ADGRE3: variants seen among roughly 807,000 people sequenced by gnomAD.
ADGRE3 encodes EGF-like module receptor 3.
ADGRE3 carries 88 observed loss-of-function variants against 80.1 expected under a neutral mutation model. That is an observed-to-expected ratio of 1.10 (90% confidence interval 0.93 to 1.31). The LOEUF is 1.31. Among genes scored for constraint, ADGRE3 ranks in the 40% most tolerant of loss-of-function variants. ADGRE3 has a pLI of 0.00. For synonymous variants in ADGRE3, 281 were observed against 294.8 expected, an observed-to-expected ratio of 0.95 and a Z score of 0.48; for missense variants, 715 against 776.5, an observed-to-expected ratio of 0.92 and a Z score of 0.94.
At position 14,636,050 on chromosome 19, in the gene ADGRE3, TTCCTTCC is replaced by T. The variant is rs1229610258; in HGVS notation, c.1484+2048_1484+2054del. Among the ~76,000 whole-genome samples, 72 of 58,098 alleles carry T rather than the reference TTCCTTCC, an allele frequency of 1.2e-3. 2 individuals carry two copies. Among genetic ancestry groups the T allele is most frequent in the Non-Finnish European group, 1.9e-3 (45 of 24,112 alleles). The allele number at this position is 58,098 out of a possible 152,430, so 38.1% of individuals were successfully genotyped here. A position where few individuals can be genotyped will look rare whatever the true frequency, so the allele number is the denominator to read the frequency against. On this transcript the variant is annotated intron_variant, in intron 11 of 15. Transcript: ENST00000253673. Reference sequence around the variant, plus strand: ...CTTCCTTCCTTCCTTCCTTCCTTCCTTCCTTCCTTCCTTTCCTTTCCTTTCCTTTCCC... The same window carrying T: ...CTTCCTTCCTTCCTTCCTTCCTTCCTTTCCTTTCCTTTCCTTTCCTTTCCC...
chr19:14,633,326 A>G, intron 11 of ADGRE3, 24 bp from the exon 12 acceptor site: 1 of 1,576,206 alleles, frequency 6.3e-7, no homozygotes, highest in South Asian at 1.1e-5. Flanking sequence ...GAAAAGAGAT[A>G]CAAAGAGAGA....
At chr19:14,604,722 C>T in the ADGRE3 span, among the ~76,000 whole-genome samples, 3 of 151,798 alleles carry the variant, frequency 2.0e-5, no homozygotes, top group African/African-American at 7.3e-5. Flanking sequence ...GGGATCACAC[C>T]ACTGCATTCC....
At chr19:14,636,013 C>CT (rs1263534675) in intron 11 of ADGRE3, among the ~76,000 whole-genome samples, 5 of 42,166 alleles carry the variant, frequency 1.2e-4, no homozygotes, top group Non-Finnish European at 2.3e-4. Flanking sequence ...CTCTTTCTTT[C>CT]TTCCTTCCTT....
At chr19:14,635,557 G>A (rs370224810) in intron 11 of ADGRE3, among the ~76,000 whole-genome samples, 34 of 151,644 alleles carry the variant, frequency 2.2e-4, no homozygotes, top group South Asian at 2.1e-4. Flanking sequence ...GATTACAGGC[G>A]CGCACCACCA....
downstream of ADGRE3, among the ~76,000 whole-genome samples, chr19:14,617,244 CTTT>C (rs945542868): frequency 1.3e-5 from 2 of 151,372 alleles, no homozygotes; most frequent in Admixed American, 1.3e-4. Context: ...CTTTTCTTTT[CTTT>C]TTTCTTTCTT....
intron 2 of ADGRE3, among the ~76,000 whole-genome samples, chr19:14,665,148 C>T (rs1238330674): frequency 1.3e-5 from 2 of 149,270 alleles, no homozygotes; most frequent in Non-Finnish European, 3.0e-5. Flanking sequence ...ACTGCAAGCT[C>T]CGCCTCCTGG....
intron 11 of ADGRE3, among the ~76,000 whole-genome samples, chr19:14,634,219 A>G (rs1291010604): frequency 6.6e-6 from 1 of 152,146 alleles, no homozygotes; most frequent in Admixed American, 6.5e-5. Context: ...TCTTATTTTT[A>G]TGATTAAAAT....
At chr19:14,662,144 C>T in intron 3 of ADGRE3, 26 bp from the exon 4 acceptor site, 1 of 1,611,640 alleles carries the variant, frequency 6.2e-7, no homozygotes, top group Non-Finnish European at 8.5e-7. Flanking sequence ...GCAATTGGGT[C>T]ATTCATTCAG....
intron 7 of ADGRE3, among the ~76,000 whole-genome samples, chr19:14,649,082 C>G (rs1465586979): frequency 1.3e-5 from 2 of 151,004 alleles, no homozygotes; most frequent in Non-Finnish European, 3.0e-5. Context: ...CTCTCCCTAT[C>G]TCTCTTTCCA....
the ADGRE3 span, among the ~76,000 whole-genome samples, chr19:14,605,565 C>G: frequency 2.0e-5 from 3 of 152,134 alleles, no homozygotes; most frequent in African/African-American, 7.2e-5. Flanking sequence ...TTCCACCACC[C>G]TAGAAAGTTT....
intron 7 of ADGRE3, among the ~76,000 whole-genome samples, chr19:14,648,835 T>C (rs924437041): frequency 1.3e-5 from 2 of 152,168 alleles, no homozygotes; most frequent in Admixed American, 1.3e-4. Context: ...CCTGCCTGCC[T>C]GCCCACCCTG....
downstream of ADGRE3, among the ~76,000 whole-genome samples, chr19:14,614,882 C>A (rs886429623): frequency 9.8e-6 from 1 of 102,414 alleles, no homozygotes; most frequent in Non-Finnish European, 2.1e-5. Context: ...CTGTGCCCGG[C>A]CCCCATTTTT....
At chr19:14,602,794 A>C in the ADGRE3 span, among the ~76,000 whole-genome samples, 1 of 151,486 alleles carries the variant, frequency 6.6e-6, no homozygotes, top group East Asian at 1.9e-4. Flanking sequence ...GGAGTGCAGC[A>C]GCATGATCTT....
intron 13 of ADGRE3, among the ~76,000 whole-genome samples, chr19:14,631,321 A>G (rs1289964192): frequency 6.6e-6 from 1 of 152,050 alleles, no homozygotes; most frequent in African/African-American, 2.4e-5. Flanking sequence ...CATGAATCAA[A>G]ATATCACAAA....
intron 5 of ADGRE3, among the ~76,000 whole-genome samples, chr19:14,655,945 G>A (rs1413248050): frequency 6.6e-6 from 1 of 152,020 alleles, no homozygotes; most frequent in African/African-American, 2.4e-5. Context: ...TTGAAGCAGC[G>A]TCACTGTCTG....
chr19:14,607,070 G>A, the ADGRE3 span: 2 of 1,339,680 alleles, frequency 1.5e-6, no homozygotes, highest in Non-Finnish European at 1.9e-6. Context: ...AAGGGGACTG[G>A]AGGTGGCTGG....
intron 1 of ADGRE3, among the ~76,000 whole-genome samples, chr19:14,669,598 C>CCT: frequency 6.6e-6 from 1 of 152,220 alleles, no homozygotes; most frequent in East Asian, 1.9e-4. Flanking sequence ...AATCGATTCT[C>CCT]CTGCCTTAGC....
At chr19:14,670,438 A>G (rs1972224277) in intron 1 of ADGRE3, among the ~76,000 whole-genome samples, 1 of 152,356 alleles carries the variant, frequency 6.6e-6, no homozygotes, top group East Asian at 1.9e-4. Context: ...TTCAGATTCA[A>G]GTGGAGAAGA....
intron 9 of ADGRE3, among the ~76,000 whole-genome samples, chr19:14,643,147 T>G (rs1388037908): frequency 1.1e-5 from 1 of 93,256 alleles, no homozygotes; most frequent in African/African-American, 5.1e-5. Flanking sequence ...AATCATGGTT[T>G]TTTTTTTTTT....
Sources: gnomAD v4.1 joint callset for allele counts (sites outside exome capture counted in the v4.1 genomes callset) on GRCh38, gnomAD v4.1.1 for gene constraint, MANE v1.5 for transcripts, NCBI Gene and HGNC (gene_info 2026-07-23, HGNC 2026-07-21) for gene names.